Variants in MTERF2 observed in about 807,000 individuals in gnomAD.
MTERF2 encodes transcription termination factor 2, mitochondrial.
Under a neutral mutation model 29.2 loss-of-function variants are expected in MTERF2, and 23 were observed. That is an observed-to-expected ratio of 0.79 (90% confidence interval 0.57 to 1.12). MTERF2 has a LOEUF of 1.12. Among genes scored for constraint, MTERF2 ranks in the 50% most tolerant of loss-of-function variants. MTERF2 has a pLI of 0.00. For synonymous variants in MTERF2, 157 were observed against 159.5 expected (o/e 0.98, Z 0.12); for missense variants, 440 against 429.4 (o/e 1.02, Z -0.22).
At chr12:106,981,510 TG>T (rs1408635394) in intron 2 of MTERF2, among the ~76,000 whole-genome samples, 1 of 147,774 alleles carries the variant, frequency 6.8e-6, no homozygotes, top group East Asian at 1.9e-4. Context: ...AAAAAGTTTA[TG>T]TATGTATGTA....
intron 2 of MTERF2, among the ~76,000 whole-genome samples, chr12:106,982,141 G>A (rs1281867243): frequency 2.0e-5 from 3 of 152,154 alleles, no homozygotes; most frequent in Non-Finnish European, 2.9e-5. Context: ...CCGTCATTCT[G>A]TATAATGTAA....
At chr12:106,979,893 T>G (rs534373922) in intron 2 of MTERF2, among the ~76,000 whole-genome samples, 2 of 151,022 alleles carry the variant, frequency 1.3e-5, no homozygotes, top group Non-Finnish European at 3.0e-5. Flanking sequence ...AACATAAACT[T>G]TTTTTTTTAA....
At position 106,977,830 on chromosome 12, in the gene MTERF2, A is replaced by G. The variant is rs1191022271; in HGVS notation, c.885T>C (p.Ser295=). The change falls in exon 3 of 3, where the codon TCT becomes TCC. Residue 295 remains serine (S), a synonymous_variant. Transcript: ENST00000240050. ...VLKCPALLYY[S]VPVLEERMQG... ...GCATTCTCTCTTCTAAAACTGGAAC[A>G]GAATAATATAAAAGGGCAGGACATT... 7 of 1,613,854 alleles carry G rather than the reference A, an allele frequency of 4.3e-6. No individual in the cohort carries two copies. Among genetic ancestry groups the G allele is most frequent in the Admixed American group, 1.7e-5 (1 of 60,000 alleles).
chr12:106,985,837 G>GT (rs1952108127), intron 1 of MTERF2: 1 of 152,212 alleles, frequency 6.6e-6, no homozygotes, highest in African/African-American at 2.4e-5. Context: ...TTCAAGCTGT[G>GT]TATCAGGCAT....
chr12:106,983,014 C>T (rs1313836286), intron 2 of MTERF2, among the ~76,000 whole-genome samples: 1 of 152,168 alleles, frequency 6.6e-6, no homozygotes, highest in African/African-American at 2.4e-5. Flanking sequence ...ACTTGTAAAA[C>T]TGCAATCGTT....
chr12:106,978,538 A>C lies in MTERF2; in HGVS notation c.177T>G (p.Ile59Met). ...VEKLYKCSVD[I>M]RKIRRLKGWV... ...ATCCTTTTAATCTACGAATTTTCCT[A>C]ATGTCAACTGAACATTTATAGAGCT... Residue 59 changes from isoleucine (I) to methionine (M), a missense_variant, in exon 3 of 3, where the codon ATT becomes ATG. Coordinates refer to ENST00000240050, the MANE Select transcript of MTERF2 (RefSeq NM_001033050.3). The C allele has an allele frequency of 6.2e-7, 1 of 1,614,244 alleles. No homozygotes were observed. The highest frequency in any genetic ancestry group is 8.5e-7 in the Non-Finnish European group (1 of 1,180,042).
At position 106,977,753 on chromosome 12, in the gene MTERF2, A is replaced by G. The variant is rs1952000923; in HGVS notation, c.962T>C (p.Met321Thr). 6.2e-7 allele frequency: 1 copy of G among 1,613,986 alleles called. No individual in the cohort carries two copies. The highest frequency in any genetic ancestry group is 8.5e-7 in the Non-Finnish European group (1 of 1,179,992). Residue 321 changes from methionine (M) to threonine (T), a missense_variant, in exon 3 of 3, where the codon ATG becomes ACG. By Grantham distance (81) the Met-to-Thr change is moderately conservative. Coordinates refer to ENST00000240050, the MANE Select transcript of MTERF2 (RefSeq NM_001033050.3). ...ISIAQIRETP[M>T]VLELTPQIVQ... ...TATCTGTGGTGTTAATTCAAGAACC[A>G]TTGGCGTCTCTCTTATCTGAGCTAT...
intron 2 of MTERF2, among the ~76,000 whole-genome samples, chr12:106,982,918 TTC>T (rs1215146686): frequency 2.6e-5 from 4 of 152,190 alleles, no homozygotes; most frequent in East Asian, 1.9e-4. Flanking sequence ...CTAATTTAAC[TTC>T]TTTTTATTAT....
intron 2 of MTERF2, among the ~76,000 whole-genome samples, chr12:106,981,507 T>G (rs1952051071): frequency 6.6e-6 from 1 of 152,098 alleles, no homozygotes; most frequent in Admixed American, 6.5e-5. Context: ...ACCAAAAAGT[T>G]TATGTATGTA....
At chr12:106,981,773 G>A (rs4964512) in intron 2 of MTERF2, among the ~76,000 whole-genome samples, 90,405 of 151,978 alleles carry the variant, frequency 0.59, 28,110 homozygotes, top group African/African-American at 0.76. Flanking sequence ...CACCCGCCTC[G>A]GCCTCCCAAA....
At position 106,986,827 on chromosome 12, in the gene MTERF2, T is replaced by A. The variant is rs11544818; in HGVS notation, c.-169+142A>T. On this transcript the variant is annotated intron_variant, in intron 1 of 2. Transcript: ENST00000240050. ...CAGGACCGATCAAAAGGCCGCACAT[T>A]CACTGTGGGGCCTCCGCTTTTCCAG... 1,728 of 152,274 alleles carry A rather than the reference T, an allele frequency of 0.011. 20 individuals are homozygous for A. Among genetic ancestry groups the A allele is most frequent in the Non-Finnish European group, 0.019 (1,313 of 68,022 alleles). 9.4% of individuals were successfully genotyped at this position (152,274 alleles called of 1,614,324 possible).
chr12:106,978,754 T>G lies in MTERF2; in HGVS notation c.-40A>C. 1 of 1,557,232 alleles carries G rather than the reference T, an allele frequency of 6.4e-7. No individual in the cohort carries two copies. Among genetic ancestry groups the G allele is most frequent in the Non-Finnish European group, 8.7e-7 (1 of 1,150,688 alleles). The stretch of plus-strand genomic sequence containing the variant: ...AGCTAGTTTCCACCGTCCTGGGACT[T>G]AAATGGACTCATTCTATCTGAAAAA... On this transcript the variant is annotated 5_prime_UTR_variant, in exon 3 of 3. Coordinates refer to ENST00000240050, the MANE Select transcript of MTERF2 (RefSeq NM_001033050.3).
In MTERF2 at chr12:106,978,716, G is replaced by T; in HGVS notation, c.-2C>A. The T allele has an allele frequency of 6.2e-7, 1 of 1,611,096 alleles. No individual in the cohort carries two copies. The highest frequency in any genetic ancestry group is 8.5e-7 in the Non-Finnish European group (1 of 1,178,760). Reference sequence around the variant, plus strand: ...TCTCAGCAGCAGCTTCCACAACATGGCTGCAATCTACTAGCTAGTTTCCAC... The same window carrying T: ...TCTCAGCAGCAGCTTCCACAACATGTCTGCAATCTACTAGCTAGTTTCCAC... On this transcript the variant is annotated 5_prime_UTR_variant, in exon 3 of 3. Coordinates refer to ENST00000240050, the MANE Select transcript of MTERF2 (RefSeq NM_001033050.3).
intron 2 of MTERF2, among the ~76,000 whole-genome samples, chr12:106,984,813 C>G (rs889487972): frequency 1.6e-4 from 25 of 152,164 alleles, no homozygotes; most frequent in Admixed American, 1.4e-3. Context: ...CCACGTGGCA[C>G]TGTAAGTCCA....
At chr12:106,980,436 A>G (rs1952042101) in intron 2 of MTERF2, among the ~76,000 whole-genome samples, 1 of 152,184 alleles carries the variant, frequency 6.6e-6, no homozygotes, top group African/African-American at 2.4e-5. Flanking sequence ...TCCTTTTGGT[A>G]TAGGGAGGGT....
Position 106,987,069 on chromosome 12 carries a change from AGGCCTGGAGCCGG to A in MTERF2, c.-282_-270del, listed in dbSNP as rs1455126460. On this transcript the variant is annotated 5_prime_UTR_variant, in exon 1 of 3. It removes the in-frame stop codon of an upstream open reading frame in the 5' UTR. Coordinates refer to ENST00000240050, the MANE Select transcript of MTERF2 (RefSeq NM_001033050.3). ...GCCTCCCCACAGTCCGCAGTCCCCGAGGCCTGGAGCCGGGATTTCGGTCCTCGGTCTCAAGAAG... is the reference window on the plus strand; with the variant it reads ...GCCTCCCCACAGTCCGCAGTCCCCGAGATTTCGGTCCTCGGTCTCAAGAAG... 2 of 152,592 alleles carry A rather than the reference AGGCCTGGAGCCGG, an allele frequency of 1.3e-5. No homozygotes were observed. The highest frequency in any genetic ancestry group is 4.8e-5 in the African/African-American group (2 of 41,458). 9.5% of individuals were successfully genotyped at this position (152,592 alleles called of 1,614,324 possible). A position where few individuals can be genotyped will look rare whatever the true frequency, so the allele number is the denominator to read the frequency against.
chr12:106,978,639 A>G lies in MTERF2; in HGVS notation c.76T>C (p.Tyr26His), dbSNP rs1396805175. The G allele has an allele frequency of 3.1e-6, 5 of 1,614,048 alleles. No individual in the cohort carries two copies. In the African/African-American group the frequency reaches 6.7e-5, roughly 22 times the overall value. ...SFRKMRSPPK[Y>H]RPFLACFTYT... is the part of the protein sequence containing the mutation. Reference sequence around the variant, plus strand: ...GTGAAGCATGCTAAGAAAGGTCTGTATTTTGGAGGTGATCGCATCTTTCTG... The same window carrying G: ...GTGAAGCATGCTAAGAAAGGTCTGTGTTTTGGAGGTGATCGCATCTTTCTG... Residue 26 changes from tyrosine (Y) to histidine (H), a missense_variant, in exon 3 of 3, where the codon TAC becomes CAC. Transcript: ENST00000240050.
At chr12:106,981,237 T>C (rs995760094) in intron 2 of MTERF2, among the ~76,000 whole-genome samples, 1 of 152,150 alleles carries the variant, frequency 6.6e-6, no homozygotes, top group African/African-American at 2.4e-5. Flanking sequence ...TTGGGTAAGT[T>C]AGCCTCAGAG....
chr12:106,984,650 C>A (rs984930833), intron 2 of MTERF2, among the ~76,000 whole-genome samples: 1 of 152,056 alleles, frequency 6.6e-6, no homozygotes, highest in Non-Finnish European at 1.5e-5. Flanking sequence ...GGGGTGGTTT[C>A]CCCCATACTG....
Sources: gnomAD v4.1 joint callset for allele counts (sites outside exome capture counted in the v4.1 genomes callset) on GRCh38, gnomAD v4.1.1 for gene constraint, MANE v1.5 for transcripts, NCBI Gene and HGNC (gene_info 2026-07-23, HGNC 2026-07-21) for gene names.